CACNA2D3: variants seen among roughly 807,000 people sequenced by gnomAD.
CACNA2D3 encodes voltage-dependent calcium channel subunit alpha-2/delta-3.
In CACNA2D3, 60 loss-of-function variants were observed where a neutral mutation model predicts 160.6. The ratio of observed to expected loss-of-function variants is 0.37; its 90% CI spans 0.30 to 0.46. CACNA2D3 has a LOEUF of 0.46. CACNA2D3 is among the 20% of genes least tolerant of loss of function. The pLI is 1.00. For missense variants in CACNA2D3, 1,205 were observed against 1,365.0 expected, an observed-to-expected ratio of 0.88 and a Z score of 1.85; for synonymous variants, 558 against 492.9, an observed-to-expected ratio of 1.13 and a Z score of -1.75.
At chr3:54,323,390 C>T (rs1180167918) in intron 3 of CACNA2D3, among the ~76,000 whole-genome samples, 1 of 151,986 alleles carries the variant, frequency 6.6e-6, no homozygotes, top group African/African-American at 2.4e-5. Context: ...AAGGTGGGGT[C>T]CTTTCCCATG....
intron 35 of CACNA2D3, among the ~76,000 whole-genome samples, chr3:55,037,047 T>G (rs1703834814): frequency 6.6e-6 from 1 of 151,854 alleles, no homozygotes; most frequent in South Asian, 2.1e-4. Context: ...TGGGAAAACC[T>G]CTGCAGGATC....
chr3:54,453,822 CATT>C (rs1353561250), intron 4 of CACNA2D3, among the ~76,000 whole-genome samples: 1 of 152,190 alleles, frequency 6.6e-6, no homozygotes, highest in Non-Finnish European at 1.5e-5. Flanking sequence ...TGGGCCCTCC[CATT>C]ATTAGTTCGA....
At chr3:54,281,935 G>A (rs1189042956) in intron 2 of CACNA2D3, among the ~76,000 whole-genome samples, 1 of 152,158 alleles carries the variant, frequency 6.6e-6, no homozygotes, top group East Asian at 1.9e-4. Flanking sequence ...GTGTGTTAAA[G>A]CAAAGTGTTC....
At chr3:54,637,560 A>C (rs966812867) in intron 10 of CACNA2D3, 1 of 151,954 alleles carries the variant, frequency 6.6e-6, no homozygotes, top group African/African-American at 2.4e-5. Context: ...AGAGGTTTAG[A>C]AGCCTGGCTG....
chr3:54,949,984 G>A (rs1412892088), intron 27 of CACNA2D3, among the ~76,000 whole-genome samples: 2 of 152,166 alleles, frequency 1.3e-5, no homozygotes, highest in Admixed American at 6.5e-5. Context: ...GTCTCTAGTA[G>A]TTTCCTTTAG....
chr3:54,722,582 G>A (rs996448253), intron 11 of CACNA2D3, among the ~76,000 whole-genome samples: 3 of 152,088 alleles, frequency 2.0e-5, no homozygotes, highest in East Asian at 3.9e-4. Flanking sequence ...GGTGACCTTC[G>A]GATGGGGTCT....
chr3:54,541,044 A>G lies in CACNA2D3; in HGVS notation c.545-21756A>G, dbSNP rs1027668189. ...TGTAATCCCAGCACTTTGGGAGGCCAAGGTGGGCAGATCACGAGGTCAGGA... is the reference window on the plus strand; with the variant it reads ...TGTAATCCCAGCACTTTGGGAGGCCGAGGTGGGCAGATCACGAGGTCAGGA... On this transcript the variant is annotated intron_variant, in intron 5 of 37. Transcript: ENST00000474759. 1.6e-4 allele frequency among the ~76,000 whole-genome samples: 25 copies of G among 152,128 alleles called. No homozygotes were observed. In the East Asian group the frequency reaches 2.7e-3, roughly 17 times the overall value.
At chr3:54,997,037 G>A (rs1381577900) in intron 31 of CACNA2D3, among the ~76,000 whole-genome samples, 1 of 152,154 alleles carries the variant, frequency 6.6e-6, no homozygotes, top group Non-Finnish European at 1.5e-5. Context: ...TGGAGGACTA[G>A]GGGAGGGATA....
chr3:54,280,392 T>A (rs1702848203), intron 2 of CACNA2D3, among the ~76,000 whole-genome samples: 1 of 152,166 alleles, frequency 6.6e-6, no homozygotes, highest in Admixed American at 6.5e-5. Flanking sequence ...GTTCGTTCAT[T>A]TAATACATAT....
At chr3:54,358,544 C>T (rs1329190624) in intron 3 of CACNA2D3, among the ~76,000 whole-genome samples, 2 of 152,176 alleles carry the variant, frequency 1.3e-5, no homozygotes, top group Non-Finnish European at 2.9e-5. Context: ...AATCAGAGGC[C>T]TGCAGAGGGA....
chr3:54,193,744 G>A (rs554180420), intron 2 of CACNA2D3, among the ~76,000 whole-genome samples: 2 of 152,292 alleles, frequency 1.3e-5, no homozygotes, highest in East Asian at 3.9e-4. Flanking sequence ...ATTCTCCTTC[G>A]AGGCTGAATT....
intron 18 of CACNA2D3, 71 bp downstream of exon 18, chr3:54,871,693 C>A: frequency 2.4e-6 from 3 of 1,245,134 alleles, no homozygotes; most frequent in South Asian, 1.3e-5. Flanking sequence ...TGGGGGCGAT[C>A]CCAGGAGTTG....
chr3:54,741,435 A>G (rs1701646180), intron 11 of CACNA2D3, among the ~76,000 whole-genome samples: 1 of 152,256 alleles, frequency 6.6e-6, no homozygotes, highest in South Asian at 2.1e-4. Flanking sequence ...ACCAATTTAC[A>G]AGTAAGGAAA....
intron 5 of CACNA2D3, 67 bp from the exon 6 acceptor site, chr3:54,562,733 G>C: frequency 7.1e-7 from 1 of 1,400,520 alleles, no homozygotes; most frequent in Non-Finnish European, 9.9e-7. Flanking sequence ...AAGCAGCGTG[G>C]GATGCCAGGA....
intron 4 of CACNA2D3, among the ~76,000 whole-genome samples, chr3:54,456,130 T>G (rs1200131535): frequency 1.3e-5 from 2 of 152,144 alleles, no homozygotes; most frequent in Non-Finnish European, 1.5e-5. Flanking sequence ...ATCTGTAGAT[T>G]GCTTTGGGTA....
chr3:54,882,426 TACAC>T (rs754191878), intron 21 of CACNA2D3, among the ~76,000 whole-genome samples: 2 of 152,186 alleles, frequency 1.3e-5, no homozygotes, highest in African/African-American at 4.8e-5. Flanking sequence ...GAGACACAGA[TACAC>T]ACAGTTGTTT....
At chr3:54,749,615 C>G (rs1701820409) in intron 11 of CACNA2D3, among the ~76,000 whole-genome samples, 1 of 152,136 alleles carries the variant, frequency 6.6e-6, no homozygotes, top group South Asian at 2.1e-4. Context: ...CAAAATATTT[C>G]CTACTTTAAA....
At chr3:54,760,527 A>G (rs1189551537) in intron 12 of CACNA2D3, among the ~76,000 whole-genome samples, 2 of 152,148 alleles carry the variant, frequency 1.3e-5, no homozygotes, top group African/African-American at 4.8e-5. Context: ...TAGGATTTCA[A>G]CCAGGAAGAT....
chr3:54,537,571 G>A (rs1243599217), intron 5 of CACNA2D3, among the ~76,000 whole-genome samples: 1 of 152,114 alleles, frequency 6.6e-6, no homozygotes, highest in Non-Finnish European at 1.5e-5. Context: ...ACTGGAGCGA[G>A]GCCCTACGCT....
Sources: gnomAD v4.1 joint callset for allele counts (sites outside exome capture counted in the v4.1 genomes callset) on GRCh38, gnomAD v4.1.1 for gene constraint, MANE v1.5 for transcripts, NCBI Gene and HGNC (gene_info 2026-07-23, HGNC 2026-07-21) for gene names.